The following MDFIC2 variants were observed in gnomAD, a reference collection of about 807,000 sequenced individuals.
MDFIC2 encodes the protein MyoD family inhibitor domain containing 2, also known as myoD family inhibitor domain-containing protein 2.
chr3:70,273,009 C>T (rs1046083199), intron 2 of MDFIC2, among the ~76,000 whole-genome samples: 1 of 152,174 alleles, frequency 6.6e-6, no homozygotes, highest in Admixed American at 6.5e-5. Flanking sequence ...CACTTCCTCC[C>T]TTATCACTCC....
chr3:70,209,403 G>T (rs1310197306), intron 2 of MDFIC2, among the ~76,000 whole-genome samples: 1 of 152,042 alleles, frequency 6.6e-6, no homozygotes, highest in South Asian at 2.1e-4. Flanking sequence ...ACACAGAGTG[G>T]CGTGTATCTT....
intron 2 of MDFIC2, among the ~76,000 whole-genome samples, chr3:70,239,789 C>T (rs1701648426): frequency 6.6e-6 from 1 of 152,104 alleles, no homozygotes. Context: ...ATGCTAAATA[C>T]AGTGACGTCT....
chr3:70,218,930 A>G (rs1026969798), intron 2 of MDFIC2, among the ~76,000 whole-genome samples: 2 of 152,260 alleles, frequency 1.3e-5, no homozygotes. Context: ...CCACAAAGTT[A>G]GTTTAAAATT....
intron 2 of MDFIC2, among the ~76,000 whole-genome samples, chr3:70,238,942 T>C (rs1701638891): frequency 6.6e-6 from 1 of 152,220 alleles, no homozygotes; most frequent in African/African-American, 2.4e-5. Context: ...TTAAATTCTC[T>C]AAATCTAATT....
chr3:70,268,250 T>G (rs1038233091), intron 2 of MDFIC2, among the ~76,000 whole-genome samples: 1 of 152,002 alleles, frequency 6.6e-6, no homozygotes, highest in Non-Finnish European at 1.5e-5. Context: ...GCAGGCAGAT[T>G]GCCTGAGCGC....
At chr3:70,271,733 G>A (rs1014179340) in intron 2 of MDFIC2, 2 of 152,098 alleles carry the variant, frequency 1.3e-5, no homozygotes, top group African/African-American at 4.8e-5. Flanking sequence ...AAATCACAGT[G>A]GCCAAAATTG....
At chr3:70,293,051 A>C (rs1326054840) in intron 2 of MDFIC2, among the ~76,000 whole-genome samples, 1 of 78,358 alleles carries the variant, frequency 1.3e-5, no homozygotes. Flanking sequence ...GAAGCAAAAA[A>C]AAAAAAAAAA....
intron 2 of MDFIC2, among the ~76,000 whole-genome samples, chr3:70,305,375 A>G (rs1266933612): frequency 6.6e-6 from 1 of 152,232 alleles, no homozygotes; most frequent in Non-Finnish European, 1.5e-5. Flanking sequence ...CTGTGTTTAC[A>G]TAGTAAAAAG....
intron 2 of MDFIC2, chr3:70,271,755 A>G (rs570698922): frequency 6.6e-5 from 10 of 152,076 alleles, no homozygotes; most frequent in Admixed American, 5.2e-4. Flanking sequence ...TATGGCTCAC[A>G]CTTATTTTTT....
At chr3:70,283,360 A>G (rs1248001874) in intron 2 of MDFIC2, among the ~76,000 whole-genome samples, 1 of 152,064 alleles carries the variant, frequency 6.6e-6, no homozygotes, top group Non-Finnish European at 1.5e-5. Context: ...TAGGGCCTGG[A>G]CTTTGGAGAA....
chr3:70,288,541 T>C (rs907403172), intron 2 of MDFIC2, among the ~76,000 whole-genome samples: 2 of 150,018 alleles, frequency 1.3e-5, no homozygotes, highest in Non-Finnish European at 3.0e-5. Flanking sequence ...TTCTATTGAT[T>C]TGGGGTGGAG....
chr3:70,285,115 G>C (rs1345117254), intron 2 of MDFIC2, among the ~76,000 whole-genome samples: 1 of 150,214 alleles, frequency 6.7e-6, no homozygotes, highest in Admixed American at 6.6e-5. Flanking sequence ...GTGCAGGTTA[G>C]TTACATATGT....
At chr3:70,296,814 T>C (rs1175075977) in intron 2 of MDFIC2, among the ~76,000 whole-genome samples, 1 of 152,130 alleles carries the variant, frequency 6.6e-6, no homozygotes, top group Non-Finnish European at 1.5e-5. Context: ...CAGCCCACAC[T>C]GTAGCTGGAG....
intron 2 of MDFIC2, among the ~76,000 whole-genome samples, chr3:70,296,510 T>G (rs139318852): frequency 5.9e-5 from 9 of 152,156 alleles, no homozygotes; most frequent in African/African-American, 2.2e-4. Flanking sequence ...TAAGATAATT[T>G]AAAAAAAATC....
chr3:70,254,624 A>T (rs866501279), intron 2 of MDFIC2, among the ~76,000 whole-genome samples: 1 of 152,206 alleles, frequency 6.6e-6, no homozygotes, highest in Admixed American at 6.5e-5. Context: ...ACAATTTTCC[A>T]CTATGAAATC....
intron 2 of MDFIC2, among the ~76,000 whole-genome samples, chr3:70,241,649 G>C (rs1358955224): frequency 1.3e-5 from 2 of 152,124 alleles, no homozygotes; most frequent in Non-Finnish European, 2.9e-5. Context: ...CTCAGAAAGT[G>C]GTGGAAGCAA....
At chr3:70,291,014 G>A (rs999435802) in intron 2 of MDFIC2, among the ~76,000 whole-genome samples, 4 of 152,182 alleles carry the variant, frequency 2.6e-5, no homozygotes, top group Non-Finnish European at 5.9e-5. Context: ...AGAAATCACC[G>A]GTCTTCTGCT....
intron 3 of MDFIC2, among the ~76,000 whole-genome samples, chr3:70,202,823 C>G (rs1701254013): frequency 6.6e-6 from 1 of 152,094 alleles, no homozygotes; most frequent in East Asian, 1.9e-4. Flanking sequence ...AAATGTACAA[C>G]TGGGGACTGG....
intron 2 of MDFIC2, among the ~76,000 whole-genome samples, chr3:70,308,907 C>T (rs538238845): frequency 1.1e-4 from 17 of 152,066 alleles, no homozygotes; most frequent in East Asian, 5.8e-4. Context: ...TGTTCCAAGC[C>T]GAATAAGGCA....
Sources: allele counts gnomAD v4.1 joint callset (sites outside exome capture counted in the v4.1 genomes callset), GRCh38; gene constraint gnomAD v4.1.1; transcripts MANE v1.5; gene names NCBI Gene and HGNC (gene_info 2026-07-23, HGNC 2026-07-21).